NUP107: variants seen among roughly 807,000 people sequenced by gnomAD.
NUP107 encodes the protein nuclear pore complex protein Nup107.
NUP107 carries 101 observed loss-of-function variants against 141.0 expected under a neutral mutation model. The observed-to-expected ratio is 0.72, with a 90% CI of 0.61 to 0.84. The LOEUF is 0.84. Among genes scored for constraint, NUP107 ranks in the 40% least tolerant of loss-of-function variants. The probability of loss-of-function intolerance (pLI) is 0.00; values close to 1 mark genes in which losing one functional copy is unlikely to be tolerated. For missense variants in NUP107, 941 were observed against 1,102.7 expected, an observed-to-expected ratio of 0.85 and a Z score of 2.08; for synonymous variants, 319 against 363.9, an observed-to-expected ratio of 0.88 and a Z score of 1.41.
intron 8 of NUP107, chr12:68,706,289 G>GA: frequency 1.1e-6 from 1 of 875,454 alleles, no homozygotes; most frequent in Non-Finnish European, 1.9e-6. Context: ...AGGGCTTACT[G>GA]AAGAGATCAG....
chr12:68,733,072 A>C (rs1311832138), intron 23 of NUP107, among the ~76,000 whole-genome samples: 1 of 151,932 alleles, frequency 6.6e-6, no homozygotes, highest in Non-Finnish European at 1.5e-5. Context: ...ATCCTTCCAT[A>C]GGGAGGAGAA....
chr12:68,732,425 C>T (rs1469353826), intron 22 of NUP107: 2 of 387,116 alleles, frequency 5.2e-6, no homozygotes, highest in East Asian at 4.2e-5. Context: ...TGTGAGCCAG[C>T]ATGCCCAGCA....
At chr12:68,701,362 C>T (rs936092985) in intron 7 of NUP107, among the ~76,000 whole-genome samples, 1 of 152,116 alleles carries the variant, frequency 6.6e-6, no homozygotes, top group Non-Finnish European at 1.5e-5. Flanking sequence ...TCTGTTAGAA[C>T]CAGAATAACT....
At position 68,725,376 on chromosome 12, in the gene NUP107, T is replaced by A. The variant is rs961204700; in HGVS notation, c.1507-351T>A. Among the ~76,000 whole-genome samples the A allele has an allele frequency of 3.3e-5, 5 of 152,344 alleles. No homozygotes were observed. In the East Asian group the frequency reaches 9.6e-4, roughly 29 times the overall value. On this transcript the variant is annotated intron_variant, in intron 17 of 27. Transcript: ENST00000229179. ...TGAAAGAAATCTTAATAGTTTATTT[T>A]GCTTAGGTCACATGAGTTCTTCCTT...
At chr12:68,706,857 A>G (rs1876607623) in intron 8 of NUP107, 2 of 757,800 alleles carry the variant, frequency 2.6e-6, no homozygotes, top group African/African-American at 1.7e-5. Flanking sequence ...ATGAGTATCC[A>G]TACGAAGACC....
chr12:68,702,032 A>G (rs1050127043), intron 7 of NUP107, among the ~76,000 whole-genome samples: 1 of 152,082 alleles, frequency 6.6e-6, no homozygotes, highest in Non-Finnish European at 1.5e-5. Flanking sequence ...TCTGTTGCCC[A>G]GGCTGGAATG....
Position 68,743,348 on chromosome 12 carries a change from G to C in NUP107, c.*886G>C, listed in dbSNP as rs2136058383. On this transcript the variant is annotated 3_prime_UTR_variant, in exon 28 of 28. Coordinates refer to ENST00000229179, the MANE Select transcript of NUP107 (RefSeq NM_020401.4). The stretch of plus-strand genomic sequence containing the variant: ...ACCTGGAAGGCAGAGGTTGCAGTGA[G>C]CCGAGATCACGCCACTGCACTCCAG... The C allele has an allele frequency of 6.6e-6, 1 of 152,598 alleles. No homozygotes were observed. The highest frequency in any genetic ancestry group is 6.5e-5 in the Admixed American group (1 of 15,304). The allele number at this position is 152,598 out of a possible 1,614,324, so 9.5% of individuals were successfully genotyped here. A position where few individuals can be genotyped will look rare whatever the true frequency, so the allele number is the denominator to read the frequency against.
Position 68,734,665 on chromosome 12 carries a change from CTT to C in NUP107, c.2263-40_2263-39del, listed in dbSNP as rs1271186028. The C allele has an allele frequency of 8.5e-6, 12 of 1,418,422 alleles. No homozygotes were observed. In the African/African-American group the frequency reaches 1.6e-4, roughly 19 times the overall value. 87.9% of individuals were successfully genotyped at this position (1,418,422 alleles called of 1,614,324 possible). A position where few individuals can be genotyped will look rare whatever the true frequency, so the allele number is the denominator to read the frequency against. On this transcript the variant is annotated intron_variant, in intron 24 of 27. Transcript: ENST00000229179. The stretch of plus-strand genomic sequence containing the variant: ...GTTGGTGAAACGATAAAAGTGAAAA[CTT>C]TTGTTATTTTATATTTTGGTTTTTT...
intron 4 of NUP107, 107 bp from the exon 5 acceptor site, chr12:68,691,861 C>A: frequency 3.4e-6 from 3 of 869,624 alleles, no homozygotes; most frequent in Non-Finnish European, 3.3e-6. Flanking sequence ...AAAAAAGACG[C>A]ATACATACAT....
At chr12:68,721,405 G>C (rs1265914751) in intron 15 of NUP107, among the ~76,000 whole-genome samples, 1 of 152,094 alleles carries the variant, frequency 6.6e-6, no homozygotes, top group East Asian at 1.9e-4. Flanking sequence ...TCAGATTTCA[G>C]TTTTTAACTA....
rs140775363 is a variant in NUP107, at chr12:68,726,633, C to T, written c.1695+16C>T. 21,346 of 1,453,136 alleles carry T rather than the reference C, an allele frequency of 0.015. 219 individuals carry two copies. Among genetic ancestry groups the T allele is most frequent in the Non-Finnish European group, 0.018 (18,905 of 1,035,544 alleles). 90.0% of individuals were successfully genotyped at this position (1,453,136 alleles called of 1,614,324 possible). A position where few individuals can be genotyped will look rare whatever the true frequency, so the allele number is the denominator to read the frequency against. On this transcript the variant is annotated intron_variant, in intron 19 of 27. Transcript: ENST00000229179. ...ACAGACCAAGGTATATAAAAATGAA[C>T]GATTTCTTCTTCTCTGTAATGTTGA...
In NUP107 at chr12:68,744,746, T is replaced by G. The variant is rs2136060163; in HGVS notation, c.*2284T>G. On this transcript the variant is annotated 3_prime_UTR_variant, in exon 28 of 28. Transcript: ENST00000229179. ...GTGTTGCTGCTTATTTAAATACAGT[T>G]CAGTTGGAGCCCCAAGAGTGCCAAT... 6.6e-6 allele frequency: 1 copy of G among 152,294 alleles called. No homozygotes were observed. Among genetic ancestry groups the G allele is most frequent in the Middle Eastern group, 3.4e-3 (1 of 294 alleles). The allele number at this position is 152,294 out of a possible 1,614,324, so 9.4% of individuals were successfully genotyped here.
intron 27 of NUP107, among the ~76,000 whole-genome samples, 180 bp downstream of exon 27, chr12:68,742,160 A>G (rs1391402505): frequency 1.3e-5 from 2 of 152,258 alleles, no homozygotes; most frequent in Non-Finnish European, 2.9e-5. Context: ...ATTTGTAAGC[A>G]GTTAGAAATA....
chr12:68,721,742 A>G, intron 15 of NUP107, 99 bp from the exon 16 acceptor site: 1 of 1,204,470 alleles, frequency 8.3e-7, no homozygotes, highest in Non-Finnish European at 1.2e-6. Flanking sequence ...TTATATCATT[A>G]TAAAGTGATT....
At position 68,742,629 on chromosome 12, in the gene NUP107, G is replaced by A. The variant is rs556855849; in HGVS notation, c.*167G>A. 9 of 373,586 alleles carry A rather than the reference G, an allele frequency of 2.4e-5. No homozygotes were observed. In the South Asian group the frequency reaches 3.5e-4, roughly 15 times the overall value. The allele number at this position is 373,586 out of a possible 1,614,324, so 23.1% of individuals were successfully genotyped here. A position where few individuals can be genotyped will look rare whatever the true frequency, so the allele number is the denominator to read the frequency against. On this transcript the variant is annotated 3_prime_UTR_variant, in exon 28 of 28. Transcript: ENST00000229179. ...ACTTTCAACATGTAGGGATATCAGCGTTTCTCTGTGTGCTTGTTAATAAAA... is the reference window on the plus strand; with the variant it reads ...ACTTTCAACATGTAGGGATATCAGCATTTCTCTGTGTGCTTGTTAATAAAA...
Position 68,731,244 on chromosome 12 carries a change from G to C in NUP107, c.1869G>C (p.Glu623Asp). The C allele has an allele frequency of 1.3e-6, 2 of 1,599,208 alleles. No individual in the cohort carries two copies. The highest frequency in any genetic ancestry group is 1.7e-6 in the Non-Finnish European group (2 of 1,175,000). Residue 623 changes from glutamate (E) to aspartate (D), a missense_variant, in exon 21 of 28, where the codon GAG (glutamate) becomes GAC (aspartate). Physicochemically the swap from Glu to Asp is conservative, Grantham distance 45. Coordinates refer to ENST00000229179, the MANE Select transcript of NUP107 (RefSeq NM_020401.4). The stretch of plus-strand genomic sequence containing the variant: ...TTGAACAGCGCCACCATTGCCTGGA[G>C]TTGGCTAAAGAAGCAGGTAAAAATG... ...TEFEQRHHCL[E>D]LAKEADLDVA... is the part of the protein sequence containing the mutation.
rs1357228580 is a variant in NUP107, at chr12:68,735,299, C to T, written c.2457C>T (p.Asn819=). Residue 819 remains asparagine, a synonymous_variant, in exon 26 of 28, where the codon AAC becomes AAT. Transcript: ENST00000229179. ...LTADVKEKMY[N]VLLFVDGGWM... ...CTGATGTGAAGGAGAAAATGTATAA[C>T]GTCTTGTTGTTTGTTGATGGAGGGT... The T allele has an allele frequency of 8.7e-6, 14 of 1,613,940 alleles. No homozygotes were observed. The highest frequency in any genetic ancestry group is 3.3e-5 in the South Asian group (3 of 91,068).
At chr12:68,697,067 T>C (rs1876102512) in intron 6 of NUP107, 145 bp downstream of exon 6, 1 of 498,232 alleles carries the variant, frequency 2.0e-6, no homozygotes, top group Non-Finnish European at 3.6e-6. Flanking sequence ...AGAGCATCCC[T>C]GCGTCTTACA....
intron 20 of NUP107, among the ~76,000 whole-genome samples, chr12:68,729,594 C>G (rs1877725976): frequency 6.6e-6 from 1 of 151,842 alleles, no homozygotes; most frequent in African/African-American, 2.4e-5. Context: ...CAGGTGTGCA[C>G]CACCACGCCT....
Sources: allele counts gnomAD v4.1 joint callset (sites outside exome capture counted in the v4.1 genomes callset), GRCh38; gene constraint gnomAD v4.1.1; transcripts MANE v1.5; gene names NCBI Gene and HGNC (gene_info 2026-07-23, HGNC 2026-07-21).